The following MICAL3 variants were observed in gnomAD, a reference collection of about 807,000 sequenced individuals.
MICAL3 encodes the protein [F-actin]-monooxygenase MICAL3.
Under a neutral mutation model 207.4 loss-of-function variants are expected in MICAL3, and 62 were observed. The observed-to-expected ratio is 0.30, with a 90% confidence interval of 0.24 to 0.37. The LOEUF is 0.37. MICAL3 is among the 10% of genes least tolerant of loss of function. The pLI is 1.00. For missense variants in MICAL3, 2,368 were observed against 2,635.6 expected, an observed-to-expected ratio of 0.90 and a Z score of 2.22; for synonymous variants, 1,077 against 1,069.3, an observed-to-expected ratio of 1.01 and a Z score of -0.14.
intron 29 of MICAL3, among the ~76,000 whole-genome samples, chr22:17,807,659 T>C (rs1569072896): frequency 6.6e-6 from 1 of 152,116 alleles, no homozygotes; most frequent in Admixed American, 6.5e-5. Context: ...CTACTTCCAT[T>C]CTGGACTCCC....
At chr22:17,867,366 T>C (rs1304436599) in intron 17 of MICAL3, among the ~76,000 whole-genome samples, 1 of 152,238 alleles carries the variant, frequency 6.6e-6, no homozygotes, top group African/African-American at 2.4e-5. Context: ...CCACGGGTTG[T>C]TGCCTGGAGC....
chr22:17,961,159 C>G (rs1318668810), intron 1 of MICAL3, among the ~76,000 whole-genome samples: 1 of 152,052 alleles, frequency 6.6e-6, no homozygotes, highest in Non-Finnish European at 1.5e-5. Context: ...GTGGCCTGGC[C>G]TAGGAGTCAG....
At chr22:17,791,154 C>T (rs765733660) in intron 30 of MICAL3, 48 bp downstream of exon 30, 26 of 1,606,100 alleles carry the variant, frequency 1.6e-5, no homozygotes, top group East Asian at 2.2e-5. Flanking sequence ...ACCTCCATGC[C>T]GGCTGTGACA....
At chr22:17,883,717 G>A (rs1929627863) in intron 16 of MICAL3, among the ~76,000 whole-genome samples, 1 of 152,248 alleles carries the variant, frequency 6.6e-6, no homozygotes, top group South Asian at 2.1e-4. Context: ...ATCCTGCCAA[G>A]GTTTTAGTGA....
rs574802366 is a variant in MICAL3, at chr22:17,998,257, C to T, written c.-75+26024G>A. Among the ~76,000 whole-genome samples, 4 of 105,600 alleles carry T rather than the reference C, an allele frequency of 3.8e-5. No homozygotes were observed. The East Asian group carries it at 6.0e-4, about 16-fold the overall frequency. 69.3% of individuals were successfully genotyped at this position (105,600 alleles called of 152,430 possible). On this transcript the variant is annotated intron_variant, in intron 1 of 31. Coordinates refer to ENST00000441493, the MANE Select transcript of MICAL3 (RefSeq NM_015241.3). ...AGGCAGAGTGCATGAGCCAAGACTG[C>T]GCCATTGCACTCCAGACTGGGCGCG...
Position 17,889,052 on chromosome 22 carries a change from C to T in MICAL3, c.1873G>A (p.Asp625Asn). ...YLTQFYEMFK[D>N]SLPSSDTLDL... ...GCCTTACCGCTAGAGGGGAGGGAGT[C>T]CTTAAACATCTCGTAGAACTGAGTC... The change falls in exon 13 of 32, where the codon GAC becomes AAC. Residue 625 changes from aspartate (D) to asparagine (N), a missense_variant. Transcript: ENST00000441493. 1 of 1,607,946 alleles carries T rather than the reference C, an allele frequency of 6.2e-7. No individual in the cohort carries two copies. Among genetic ancestry groups the T allele is most frequent in the Non-Finnish European group, 8.5e-7 (1 of 1,175,012 alleles).
intron 22 of MICAL3, among the ~76,000 whole-genome samples, 155 bp from the exon 23 acceptor site, chr22:17,823,215 G>A (rs534270521): frequency 1.2e-4 from 18 of 152,342 alleles, no homozygotes; most frequent in Non-Finnish European, 1.9e-4. Context: ...CTCTCCACAC[G>A]TAGCATGGGT....
In MICAL3 at chr22:17,796,836, T is replaced by A. The variant is rs77989513; in HGVS notation, c.5651-5535A>T. 0.011 allele frequency among the ~76,000 whole-genome samples: 1,610 copies of A among 152,302 alleles called. 30 individuals carry two copies. Among genetic ancestry groups the A allele is most frequent in the African/African-American group, 0.036 (1,480 of 41,564 alleles). ...TACCCCCTACACTACCACCTGGCCC[T>A]TGGCGCACCCGAGCACCTCACTCCA... On this transcript the variant is annotated intron_variant, in intron 29 of 31. Coordinates refer to ENST00000441493, the MANE Select transcript of MICAL3 (RefSeq NM_015241.3). This position sits in a 1 kb window ranked among gnomAD's most constrained non-coding sequence, Gnocchi z 4.4.
At chr22:17,986,487 T>A (rs751704279) in intron 1 of MICAL3, among the ~76,000 whole-genome samples, 3 of 151,866 alleles carry the variant, frequency 2.0e-5, no homozygotes, top group Non-Finnish European at 4.4e-5. Flanking sequence ...GCCACTGCAC[T>A]CCAGCCTGGG....
chr22:17,954,836 T>C (rs1375929229), intron 1 of MICAL3, among the ~76,000 whole-genome samples: 1 of 148,652 alleles, frequency 6.7e-6, no homozygotes, highest in African/African-American at 2.5e-5. Context: ...AACCTCGCCC[T>C]CCCGGGTTCA....
At chr22:17,956,079 G>A (rs1301532070) in intron 1 of MICAL3, among the ~76,000 whole-genome samples, 1 of 152,212 alleles carries the variant, frequency 6.6e-6, no homozygotes, top group African/African-American at 2.4e-5. Context: ...GGTCTTATAG[G>A]AGAGGCAGCT....
chr22:17,872,091 C>T, intron 16 of MICAL3, 68 bp from the exon 17 acceptor site: 4 of 1,403,052 alleles, frequency 2.9e-6, no homozygotes, highest in African/African-American at 1.4e-5. Context: ...CTCCTAGAGG[C>T]ACAGCCTTGC....
At chr22:17,799,993 A>C (rs1159062510) in intron 29 of MICAL3, among the ~76,000 whole-genome samples, 2 of 150,394 alleles carry the variant, frequency 1.3e-5, no homozygotes, top group Non-Finnish European at 2.9e-5. Flanking sequence ...CGCGTTGGGA[A>C]ACCTCGCAGG....
rs146540133 is a variant in MICAL3, at chr22:17,901,190, G to T, written c.692-193C>A. Among the ~76,000 whole-genome samples the T allele has an allele frequency of 4.3e-3, 659 of 152,334 alleles. 2 individuals carry two copies. Among genetic ancestry groups the T allele is most frequent in the African/African-American group, 0.015 (628 of 41,572 alleles). ...AAGAATATGAAAATTCAGGGAAGAA[G>T]TCAAAGTCTCCATTAACAAACAATT... On this transcript the variant is annotated intron_variant, in intron 5 of 31. Transcript: ENST00000441493.
Position 17,817,630 on chromosome 22 carries a change from C to T in MICAL3, c.5031G>A (p.Ser1677=), listed in dbSNP as rs895320585. 30 of 1,612,960 alleles carry T rather than the reference C, an allele frequency of 1.9e-5. No homozygotes were observed. The highest frequency in any genetic ancestry group is 1.6e-4 in the Middle Eastern group (1 of 6,082). ...ATSEEVLSPP[S]DSGGPDGSFT... is the part of the protein sequence containing the mutation. Reference sequence around the variant, plus strand: ...AAGAGCCATCTGGGCCCCCTGAGTCCGACGGCGGGGAGAGGACCTCCTCGC... The same window carrying T: ...AAGAGCCATCTGGGCCCCCTGAGTCTGACGGCGGGGAGAGGACCTCCTCGC... The change falls in exon 26 of 32, where the codon TCG becomes TCA. Residue 1677 remains serine (S), a synonymous_variant. Coordinates refer to ENST00000441493, the MANE Select transcript of MICAL3 (RefSeq NM_015241.3).
Position 17,871,996 on chromosome 22 carries a change from T to C in MICAL3, c.2269A>G (p.Asn757Asp). ...TAGCATGTGTCGCTGCCTCCCAGGT[T>C]CTGCGGGAACTCCTTCTTCATGGAG... The part of the protein sequence containing the change: ...QGSMKKEFPQ[N>D]LGGSDTCYFC... The change falls in exon 17 of 32, where the codon AAC (asparagine) becomes GAC (aspartate). Residue 757 changes from asparagine to aspartate, a missense_variant. Asn to Asp is a conservative substitution (Grantham distance 23, BLOSUM62 1). Around this residue, in one of 4 missense-constraint regions of MICAL3, gnomAD observed 1,770 missense variants for 1,863.2 expected, o/e 0.95. Coordinates refer to ENST00000441493, the MANE Select transcript of MICAL3 (RefSeq NM_015241.3). 6.2e-7 allele frequency: 1 copy of C among 1,608,956 alleles called. No individual in the cohort carries two copies. Among genetic ancestry groups the C allele is most frequent in the Admixed American group, 1.7e-5 (1 of 59,406 alleles).
At position 17,824,784 on chromosome 22, in the gene MICAL3, A is replaced by G. The variant is rs937248416; in HGVS notation, c.3194-1724T>C. Among the ~76,000 whole-genome samples, 4 of 152,340 alleles carry G rather than the reference A, an allele frequency of 2.6e-5. No homozygotes were observed. The East Asian group carries it at 7.7e-4, about 29-fold the overall frequency. On this transcript the variant is annotated intron_variant, in intron 22 of 31. Transcript: ENST00000441493. ...GGGGGGAAATGCCTCAAGTATTTCT[A>G]TTGGTTAAAACCTCGGTGTGAGAAC... is the stretch of plus-strand genomic sequence containing the variant.
intron 1 of MICAL3, among the ~76,000 whole-genome samples, chr22:18,022,574 A>G (rs1015598384): frequency 3.9e-5 from 6 of 151,998 alleles, no homozygotes; most frequent in African/African-American, 1.4e-4. Context: ...GACTACAGGC[A>G]TGCACCACCA....
intron 1 of MICAL3, among the ~76,000 whole-genome samples, chr22:17,961,361 A>G (rs1408462278): frequency 6.6e-6 from 1 of 152,188 alleles, no homozygotes; most frequent in African/African-American, 2.4e-5. Context: ...GAGGCAGCAG[A>G]AAGGATTGAA....
Sources: allele counts gnomAD v4.1 joint callset (sites outside exome capture counted in the v4.1 genomes callset), GRCh38; gene constraint gnomAD v4.1.1; regional missense constraint gnomAD v4.1.1; non-coding constraint Gnocchi (gnomAD v3.1); transcripts MANE v1.5; gene names NCBI Gene and HGNC (gene_info 2026-07-23, HGNC 2026-07-21).